The following BACH1 variants were observed in gnomAD, a reference collection of about 807,000 sequenced individuals.
BACH1 encodes transcription regulator protein BACH1.
BACH1 carries 35 observed loss-of-function variants against 52.9 expected under a neutral mutation model. The observed-to-expected ratio is 0.66, with a 90% CI of 0.51 to 0.88. BACH1 has a LOEUF of 0.88. Among genes scored for constraint, BACH1 ranks in the 40% least tolerant of loss-of-function variants. The pLI, the probability that BACH1 is intolerant of heterozygous loss-of-function variation, is 0.00. For synonymous variants in BACH1, 321 were observed against 319.6 expected, an observed-to-expected ratio of 1.00 and a Z score of -0.05; for missense variants, 808 against 872.6, an observed-to-expected ratio of 0.93 and a Z score of 0.93.
intron 4 of BACH1, among the ~76,000 whole-genome samples, chr21:29,330,595 G>A (rs2088969207): frequency 6.6e-6 from 1 of 152,146 alleles, no homozygotes; most frequent in Admixed American, 6.5e-5. Flanking sequence ...AACTCTGATA[G>A]TACAGGCCAG....
At chr21:29,325,963 A>G (rs2088905512) in intron 2 of BACH1, 96 bp from the exon 3 acceptor site, 4 of 1,182,904 alleles carry the variant, frequency 3.4e-6, no homozygotes, top group Admixed American at 5.8e-5. Flanking sequence ...ATCACAAATA[A>G]GTTACATATC....
Position 29,355,614 on chromosome 21 carries a change from G to A in BACH1, c.472+25921G>A, listed in dbSNP as rs186034789. 1.7e-3 allele frequency among the ~76,000 whole-genome samples: 252 copies of A among 152,314 alleles called. 2 individuals carry two copies. Among genetic ancestry groups the A allele is most frequent in the African/African-American group, 5.4e-3 (226 of 41,572 alleles). On this transcript the variant is annotated intron_variant, in intron 2 of 4. Transcript: ENST00000422809. Reference sequence around the variant, plus strand: ...TCTCTAGGCCAGTGAAAGGGCCAGCGGGTCGGTCCAGGGGTCCTCGGTAGA... The same window carrying A: ...TCTCTAGGCCAGTGAAAGGGCCAGCAGGTCGGTCCAGGGGTCCTCGGTAGA...
rs1003892169 is a variant in BACH1, at chr21:29,342,270, T to C, written c.1777-129T>C. ...CTTTAGTATTTAATGTATAATTGAATGGAATTGAAAGGATAAACTCCATGT... is the reference window on the plus strand; with the variant it reads ...CTTTAGTATTTAATGTATAATTGAACGGAATTGAAAGGATAAACTCCATGT... On this transcript the variant is annotated intron_variant, in intron 4 of 4. Transcript: ENST00000286800. 6 of 929,520 alleles carry C rather than the reference T, an allele frequency of 6.5e-6. No homozygotes were observed. The African/African-American group carries it at 6.7e-5, about 10-fold the overall frequency. 57.6% of individuals were successfully genotyped at this position (929,520 alleles called of 1,614,324 possible). A position where few individuals can be genotyped will look rare whatever the true frequency, so the allele number is the denominator to read the frequency against.
chr21:29,327,275 T>A lies in BACH1; in HGVS notation c.1451T>A (p.Val484Asp). 6.2e-7 allele frequency: 1 copy of A among 1,614,210 alleles called. No homozygotes were observed. Among genetic ancestry groups the A allele is most frequent in the African/African-American group, 1.3e-5 (1 of 75,042 alleles). ...SNLEIGNDDY[V>D]SEPQQEPCPY... ...TTGGAAATTGGAAACGATGATTATG[T>A]TTCAGAACCCCAGCAAGAACCTTGC... The change falls in exon 3 of 5, where the codon GTT (valine) becomes GAT (aspartate). Residue 484 changes from valine (V) to aspartate (D), a missense_variant. Transcript: ENST00000286800.
chr21:29,305,001 A>G (rs930539384), intron 1 of BACH1, among the ~76,000 whole-genome samples: 1 of 152,224 alleles, frequency 6.6e-6, no homozygotes, highest in African/African-American at 2.4e-5. Context: ...TAAAAAATGT[A>G]CAGTGGTTAT....
Position 29,321,343 on chromosome 21 carries a change from A to G in BACH1, c.63A>G (p.Leu21=). 6.2e-7 allele frequency: 1 copy of G among 1,614,214 alleles called. No homozygotes were observed. The highest frequency in any genetic ancestry group is 8.5e-7 in the Non-Finnish European group (1 of 1,180,036). ...YESSVHSTNV[L]LSLNDQRKKD... ...CTTCTGTGCATAGCACCAATGTTTTACTCAGCCTTAATGACCAGCGGAAGA... is the reference window on the plus strand; with the variant it reads ...CTTCTGTGCATAGCACCAATGTTTTGCTCAGCCTTAATGACCAGCGGAAGA... The change falls in exon 2 of 5, where the codon TTA becomes TTG. Residue 21 remains leucine (L), a synonymous_variant. Coordinates refer to ENST00000286800, the MANE Select transcript of BACH1 (RefSeq NM_001186.4).
chr21:29,305,141 G>C (rs767040638), intron 1 of BACH1: 3 of 150,138 alleles, frequency 2.0e-5, no homozygotes, highest in Middle Eastern at 3.2e-3. Context: ...GGTTAAAAGA[G>C]GTAAGAAAAA....
chr21:29,317,871 T>TTA, intron 1 of BACH1, among the ~76,000 whole-genome samples: 1 of 152,226 alleles, frequency 6.6e-6, no homozygotes, highest in South Asian at 2.1e-4. Flanking sequence ...TTTCTCTACT[T>TTA]TATAGATGAG....
intron 2 of BACH1, among the ~76,000 whole-genome samples, chr21:29,358,770 A>AAAAGAAAAGAAAGAAAGAAGAAAGAAAG (rs1409780180): frequency 9.2e-6 from 1 of 108,890 alleles, no homozygotes; most frequent in African/African-American, 3.3e-5. Flanking sequence ...AAAAGAAAAG[A>AAAAGAAAAGAAAGAAAGAAGAAAGAAAG]AAAGAAAGAA....
chr21:29,303,136 A>G (rs931779678), intron 1 of BACH1, among the ~76,000 whole-genome samples: 1 of 152,198 alleles, frequency 6.6e-6, no homozygotes, highest in African/African-American at 2.4e-5. Flanking sequence ...AAACATTTAG[A>G]ATGTAAATTT....
At chr21:29,304,897 A>C (rs2088638942) in intron 1 of BACH1, among the ~76,000 whole-genome samples, 2 of 152,238 alleles carry the variant, frequency 1.3e-5, no homozygotes, top group African/African-American at 4.8e-5. Flanking sequence ...CATCCATCAG[A>C]CAGTTTTGTT....
rs1275518047 is a variant in BACH1 at position 29,306,207 on chromosome 21, TG to T, written c.-61+7255del. On this transcript the variant is annotated intron_variant, in intron 1 of 4. Transcript: ENST00000286800. The stretch of plus-strand genomic sequence containing the variant: ...GTGTGTGTGTGTGTGTGTGTGTGTG[TG>T]TGTATTTAAAAATCCAGTCAATGGA... Among the ~76,000 whole-genome samples, 3 of 151,448 alleles carry T rather than the reference TG, an allele frequency of 2.0e-5. No individual in the cohort carries two copies. In the East Asian group the frequency reaches 5.8e-4, roughly 29 times the overall value.
intron 3 of BACH1, among the ~76,000 whole-genome samples, chr21:29,327,725 G>A (rs890629370): frequency 6.6e-6 from 1 of 152,194 alleles, no homozygotes; most frequent in South Asian, 2.1e-4. Flanking sequence ...AGAGGCTGAG[G>A]CAGGAGAAGC....
At chr21:29,353,101 C>A (rs1389408238) in intron 2 of BACH1, among the ~76,000 whole-genome samples, 3 of 152,136 alleles carry the variant, frequency 2.0e-5, no homozygotes, top group East Asian at 1.9e-4. Flanking sequence ...CCTGCCTTGG[C>A]CTCCCAAAGT....
At chr21:29,330,682 T>C (rs1004831169) in intron 4 of BACH1, among the ~76,000 whole-genome samples, 3 of 152,140 alleles carry the variant, frequency 2.0e-5, no homozygotes, top group African/African-American at 7.2e-5. Context: ...TATTCAATTT[T>C]GTGTCTATTA....
chr21:29,313,238 C>T (rs1033163671), intron 1 of BACH1, among the ~76,000 whole-genome samples: 7 of 152,110 alleles, frequency 4.6e-5, no homozygotes, highest in Non-Finnish European at 8.8e-5. Flanking sequence ...CTATCTGCCA[C>T]CGCCGATGAA....
downstream of BACH1, among the ~76,000 whole-genome samples, chr21:29,349,539 A>G (rs867016319): frequency 5.3e-5 from 8 of 152,064 alleles, no homozygotes; most frequent in Non-Finnish European, 4.4e-5. Flanking sequence ...TCCATGTTGC[A>G]CCCACTTTCT....
intron 2 of BACH1, chr21:29,359,566 G>A (rs2089258833): frequency 6.6e-6 from 1 of 151,326 alleles, no homozygotes. Flanking sequence ...TTTAAGCAAA[G>A]AAAGAAATGG....
downstream of BACH1, among the ~76,000 whole-genome samples, chr21:29,347,946 G>C (rs943232055): frequency 6.6e-6 from 1 of 152,070 alleles, no homozygotes; most frequent in Non-Finnish European, 1.5e-5. Context: ...ATCCAAATTT[G>C]AATGGAAGTT....
Sources: gnomAD v4.1 joint callset for allele counts (sites outside exome capture counted in the v4.1 genomes callset) on GRCh38, gnomAD v4.1.1 for gene constraint, MANE v1.5 for transcripts, NCBI Gene and HGNC (gene_info 2026-07-23, HGNC 2026-07-21) for gene names.